The following PAPPA variants were observed in gnomAD, a reference collection of about 807,000 sequenced individuals.
PAPPA encodes the protein pappalysin-1.
In PAPPA, 60 loss-of-function variants were observed where a neutral mutation model predicts 164.0. The observed-to-expected ratio is 0.37, with a 90% confidence interval of 0.30 to 0.45. PAPPA has a LOEUF of 0.45. Among genes scored for constraint, PAPPA ranks in the 20% least tolerant of loss-of-function variants. The pLI, the probability that PAPPA is intolerant of heterozygous loss-of-function variation, is 1.00. For synonymous variants in PAPPA, 875 were observed against 814.1 expected, an observed-to-expected ratio of 1.07 and a Z score of -1.27; for missense variants, 1,782 against 2,087.3, an observed-to-expected ratio of 0.85 and a Z score of 2.85.
At chr9:116,383,729 T>C (rs1846764496) in intron 21 of PAPPA, among the ~76,000 whole-genome samples, 1 of 152,224 alleles carries the variant, frequency 6.6e-6, no homozygotes, top group African/African-American at 2.4e-5. Context: ...TCTGGGATTG[T>C]CCAGGATCAG....
Position 116,211,905 on chromosome 9 carries a change from C to G in PAPPA, c.1891C>G (p.Pro631Ala). Residue 631 changes from proline to alanine, a missense_variant, in exon 4 of 22, where the codon CCT (proline) becomes GCT (alanine). By Grantham distance (27) the Pro-to-Ala change is conservative (BLOSUM62 -1). Transcript: ENST00000328252. Reference protein sequence around the residue: ...TCGFHSFFNTPYNNFMSYADD... With the variant: ...TCGFHSFFNTAYNNFMSYADD... The stretch of plus-strand genomic sequence containing the variant: ...TGGCTTTCATAGCTTCTTCAACACT[C>G]CTTACAACAACTTCATGAGCTATGC... The G allele has an allele frequency of 6.2e-7, 1 of 1,614,050 alleles. No homozygotes were observed. The highest frequency in any genetic ancestry group is 8.5e-7 in the Non-Finnish European group (1 of 1,179,968).
At chr9:116,191,323 T>C (rs1844040115) in intron 2 of PAPPA, among the ~76,000 whole-genome samples, 1 of 152,192 alleles carries the variant, frequency 6.6e-6, no homozygotes, top group South Asian at 2.1e-4. Context: ...TCAGTACTGA[T>C]AACCATGCAT....
chr9:116,163,620 A>T (rs1467965595), intron 1 of PAPPA, among the ~76,000 whole-genome samples: 1 of 152,120 alleles, frequency 6.6e-6, no homozygotes, highest in African/African-American at 2.4e-5. Context: ...CTCAGACAAA[A>T]CTGTGAAGTT....
At chr9:116,379,161 C>CA (rs1245759545) in intron 20 of PAPPA, among the ~76,000 whole-genome samples, 1 of 152,214 alleles carries the variant, frequency 6.6e-6, no homozygotes, top group African/African-American at 2.4e-5. Context: ...CCTCACCTGT[C>CA]AGACTCTGAG....
At chr9:116,240,290 A>G (rs1844720402) in intron 7 of PAPPA, among the ~76,000 whole-genome samples, 1 of 152,202 alleles carries the variant, frequency 6.6e-6, no homozygotes, top group East Asian at 1.9e-4. Context: ...GGGAAAAGAG[A>G]GGGACAGGCA....
intron 2 of PAPPA, among the ~76,000 whole-genome samples, chr9:116,202,318 C>T (rs1844180640): frequency 6.6e-6 from 1 of 152,162 alleles, no homozygotes; most frequent in South Asian, 2.1e-4. Context: ...GTTGTGCCAT[C>T]TCAGGCCAGT....
At position 116,302,847 on chromosome 9, in the gene PAPPA, C is replaced by T. The variant is rs746134475; in HGVS notation, c.3044C>T (p.Thr1015Met). The change falls in exon 10 of 22, where the codon ACG becomes ATG. Residue 1015 changes from threonine to methionine, a missense_variant. Physicochemically the swap from Thr to Met is moderately conservative, Grantham distance 81. Transcript: ENST00000328252. ...AGCATTAAGGACTGTGGTGTCTACA[C>T]GCCCCAGGGATTCCTGGATCAGTGG... Reference protein sequence around the residue: ...KTSIKDCGVYTPQGFLDQWAS... With the variant: ...KTSIKDCGVYMPQGFLDQWAS... 42 of 1,613,932 alleles carry T rather than the reference C, an allele frequency of 2.6e-5. No homozygotes were observed. The highest frequency in any genetic ancestry group is 3.3e-5 in the Non-Finnish European group (39 of 1,179,832).
chr9:116,369,464 T>C (rs1335620255), intron 19 of PAPPA, among the ~76,000 whole-genome samples: 1 of 152,110 alleles, frequency 6.6e-6, no homozygotes, highest in Non-Finnish European at 1.5e-5. Flanking sequence ...GGACTTGTGA[T>C]TGGCAGCTCT....
At chr9:116,229,608 G>A (rs1844559712) in intron 6 of PAPPA, among the ~76,000 whole-genome samples, 2 of 152,196 alleles carry the variant, frequency 1.3e-5, no homozygotes, top group Non-Finnish European at 2.9e-5. Flanking sequence ...ATAGATAATG[G>A]CCAGGTGAGG....
intron 10 of PAPPA, among the ~76,000 whole-genome samples, chr9:116,322,778 C>CTGTG (rs138568957): frequency 5.6e-4 from 84 of 150,920 alleles, no homozygotes; most frequent in African/African-American, 1.9e-3. Flanking sequence ...CACTGGCTGG[C>CTGTG]TGTGTGTGTG....
chr9:116,254,331 A>C (rs1844895589), intron 7 of PAPPA, among the ~76,000 whole-genome samples: 1 of 152,242 alleles, frequency 6.6e-6, no homozygotes, highest in Admixed American at 6.5e-5. Context: ...GAAATTTTAA[A>C]AAATAATCAA....
intron 9 of PAPPA, among the ~76,000 whole-genome samples, chr9:116,284,463 C>A (rs1036369772): frequency 6.6e-6 from 1 of 151,360 alleles, no homozygotes; most frequent in Admixed American, 6.6e-5. Flanking sequence ...TATCAGCAGT[C>A]TCCAATGTTC....
At chr9:116,257,289 T>C (rs938077014) in intron 7 of PAPPA, among the ~76,000 whole-genome samples, 26 of 152,002 alleles carry the variant, frequency 1.7e-4, no homozygotes, top group Non-Finnish European at 1.5e-5. Context: ...TCCTTCATGA[T>C]GAAAAAATTA....
chr9:116,320,800 T>A (rs376316861), intron 10 of PAPPA, among the ~76,000 whole-genome samples: 1 of 152,092 alleles, frequency 6.6e-6, no homozygotes, highest in African/African-American at 2.4e-5. Flanking sequence ...CTGTTAACCC[T>A]CGGCTTCCCT....
chr9:116,213,599 GT>G, intron 4 of PAPPA, among the ~76,000 whole-genome samples: 1 of 152,154 alleles, frequency 6.6e-6, no homozygotes, highest in Non-Finnish European at 1.5e-5. Context: ...AATAACATAA[GT>G]TTGGAAGTTT....
At chr9:116,310,573 G>C (rs1845704139) in intron 10 of PAPPA, among the ~76,000 whole-genome samples, 1 of 152,114 alleles carries the variant, frequency 6.6e-6, no homozygotes, top group African/African-American at 2.4e-5. Flanking sequence ...GGAAACCTTG[G>C]ACTGTGGGAG....
rs138692150 is a variant in PAPPA at position 116,194,375 on chromosome 9, C to T, written c.1478+6159C>T. ...TAACCAGCATGCAGATGAAAGGGGG[C>T]ATTGTTATTTTTCAGTCACTTTGTT... On this transcript the variant is annotated intron_variant, in intron 2 of 21. Coordinates refer to ENST00000328252, the MANE Select transcript of PAPPA (RefSeq NM_002581.5). 6.4e-3 allele frequency among the ~76,000 whole-genome samples: 978 copies of T among 152,244 alleles called. 4 individuals are homozygous for T. Among genetic ancestry groups the T allele is most frequent in the Non-Finnish European group, 0.011 (772 of 68,024 alleles).
intron 2 of PAPPA, among the ~76,000 whole-genome samples, chr9:116,203,180 T>G (rs1183715691): frequency 6.6e-6 from 1 of 152,214 alleles, no homozygotes; most frequent in Admixed American, 6.5e-5. Context: ...TTACTTATGA[T>G]ACAAAATTGC....
At chr9:116,218,995 G>T (rs551315749) in intron 4 of PAPPA, among the ~76,000 whole-genome samples, 1 of 152,172 alleles carries the variant, frequency 6.6e-6, no homozygotes, top group Non-Finnish European at 1.5e-5. Flanking sequence ...TTTTCAGCAT[G>T]CACACTACCC....
Sources: gnomAD v4.1 joint callset for allele counts (sites outside exome capture counted in the v4.1 genomes callset) on GRCh38, gnomAD v4.1.1 for gene constraint, MANE v1.5 for transcripts, NCBI Gene and HGNC (gene_info 2026-07-23, HGNC 2026-07-21) for gene names.